The following GRM7 variants were observed in gnomAD, a reference collection of about 807,000 sequenced individuals.
GRM7 encodes metabotropic glutamate receptor 7.
Under a neutral mutation model 84.5 loss-of-function variants are expected in GRM7, and 35 were observed. The ratio of observed to expected loss-of-function variants is 0.41; its 90% CI spans 0.32 to 0.55. The LOEUF (loss-of-function observed/expected upper bound fraction) is 0.55. GRM7 is among the 20% of genes least tolerant of loss of function. The pLI is 0.19. For missense variants in GRM7, 1,003 were observed against 1,194.6 expected, an observed-to-expected ratio of 0.84 and a Z score of 2.36; for synonymous variants, 487 against 455.1, an observed-to-expected ratio of 1.07 and a Z score of -0.89.
chr3:6,895,253 T>C (rs568178417), intron 1 of GRM7, among the ~76,000 whole-genome samples: 2 of 152,224 alleles, frequency 1.3e-5, no homozygotes, highest in Non-Finnish European at 1.5e-5. Flanking sequence ...CCTCAGTGGA[T>C]CCCTTCCCCC....
intron 2 of GRM7, among the ~76,000 whole-genome samples, chr3:7,217,212 A>G (rs923407699): frequency 2.0e-5 from 3 of 152,210 alleles, no homozygotes; most frequent in Non-Finnish European, 4.4e-5. Context: ...CGGAATTACA[A>G]ATGGGCCACC....
chr3:7,500,351 ATGATGATAAGAATTCAGAGTCGG>A (rs1408322359), intron 7 of GRM7, among the ~76,000 whole-genome samples: 24 of 152,348 alleles, frequency 1.6e-4, no homozygotes, highest in Admixed American at 4.6e-4. Flanking sequence ...ATCCCCTTCA[ATGATGATAAGAATTCAGAGTCGG>A]TGTTTGCTTC....
chr3:6,960,983 T>G (rs1477718302), intron 1 of GRM7, among the ~76,000 whole-genome samples: 1 of 152,228 alleles, frequency 6.6e-6, no homozygotes, highest in African/African-American at 2.4e-5. Flanking sequence ...TGAATATTTT[T>G]GCTTGCAGCC....
intron 8 of GRM7, among the ~76,000 whole-genome samples, chr3:7,635,519 A>G (rs1446596868): frequency 1.3e-5 from 2 of 152,142 alleles, no homozygotes; most frequent in Non-Finnish European, 2.9e-5. Context: ...CCATTTGTCC[A>G]CTGAAAGCAA....
chr3:6,890,528 G>A (rs1045922841), intron 1 of GRM7, among the ~76,000 whole-genome samples: 2 of 152,160 alleles, frequency 1.3e-5, no homozygotes, highest in Admixed American at 6.5e-5. Context: ...CAGTTTGCAT[G>A]TAGTTGAGCG....
At chr3:6,870,135 C>G (rs1695073783) in intron 1 of GRM7, among the ~76,000 whole-genome samples, 1 of 151,932 alleles carries the variant, frequency 6.6e-6, no homozygotes, top group African/African-American at 2.4e-5. Context: ...ATAAATACAT[C>G]CTATGGATGT....
intron 9 of GRM7, among the ~76,000 whole-genome samples, chr3:7,728,995 C>T (rs1702221078): frequency 6.6e-6 from 1 of 151,448 alleles, no homozygotes; most frequent in African/African-American, 2.4e-5. Context: ...AGAAACAAGT[C>T]ATCCTCTCTG....
Position 7,660,502 on chromosome 3 carries a change from G to A in GRM7, c.2452-19547G>A, listed in dbSNP as rs547514108. ...TAAAATATTTGTGAAATAAATTAAAGTAGACCTAAATAAATAGAGAAATAT... is the reference window on the plus strand; with the variant it reads ...TAAAATATTTGTGAAATAAATTAAAATAGACCTAAATAAATAGAGAAATAT... On this transcript the variant is annotated intron_variant, in intron 8 of 9. Transcript: ENST00000357716. 3.9e-3 allele frequency among the ~76,000 whole-genome samples: 587 copies of A among 152,294 alleles called. 4 individuals carry two copies. Among genetic ancestry groups the A allele is most frequent in the African/African-American group, 0.014 (568 of 41,554 alleles).
intron 1 of GRM7, among the ~76,000 whole-genome samples, chr3:7,005,475 A>G (rs1695151918): frequency 6.6e-6 from 1 of 152,252 alleles, no homozygotes; most frequent in Non-Finnish European, 1.5e-5. Flanking sequence ...AGTTTTCAGT[A>G]ATACTGAATT....
chr3:7,039,768 G>T (rs1433584877), intron 1 of GRM7, among the ~76,000 whole-genome samples: 1 of 152,050 alleles, frequency 6.6e-6, no homozygotes, highest in Non-Finnish European at 1.5e-5. Flanking sequence ...TTCCACCAGC[G>T]ATGGATTTGA....
intron 1 of GRM7, among the ~76,000 whole-genome samples, chr3:7,089,500 T>C (rs939609894): frequency 6.6e-6 from 1 of 152,174 alleles, no homozygotes; most frequent in African/African-American, 2.4e-5. Context: ...AGAAGGATTG[T>C]ATATATTTCA....
At chr3:6,952,455 T>G (rs1692825014) in intron 1 of GRM7, among the ~76,000 whole-genome samples, 1 of 152,206 alleles carries the variant, frequency 6.6e-6, no homozygotes, top group African/African-American at 2.4e-5. Flanking sequence ...AGCTCTATTA[T>G]TTCTGGTATT....
intron 8 of GRM7, among the ~76,000 whole-genome samples, chr3:7,595,767 G>A (rs1338938365): frequency 1.3e-5 from 2 of 152,108 alleles, no homozygotes; most frequent in Non-Finnish European, 2.9e-5. Context: ...GCCAAGGCAG[G>A]GGTAAGACCG....
intron 9 of GRM7, among the ~76,000 whole-genome samples, chr3:7,726,586 A>G (rs1702134227): frequency 7.7e-6 from 1 of 130,356 alleles, no homozygotes; most frequent in Non-Finnish European, 1.6e-5. Flanking sequence ...ATGTTGCCAT[A>G]TTCATTTTCT....
At chr3:7,091,220 A>AC (rs985267831) in intron 1 of GRM7, among the ~76,000 whole-genome samples, 30 of 151,906 alleles carry the variant, frequency 2.0e-4, no homozygotes, top group African/African-American at 7.0e-4. Context: ...CCAAAAAAAA[A>AC]AAAAGAAAAA....
intron 8 of GRM7, among the ~76,000 whole-genome samples, chr3:7,674,975 C>T (rs749991388): frequency 1.1e-4 from 17 of 152,150 alleles, no homozygotes; most frequent in Admixed American, 3.9e-4. Flanking sequence ...AGTGATTTGC[C>T]AAACATGGTC....
At chr3:7,712,815 C>A (rs1701629711) in intron 9 of GRM7, among the ~76,000 whole-genome samples, 1 of 152,122 alleles carries the variant, frequency 6.6e-6, no homozygotes, top group African/African-American at 2.4e-5. Flanking sequence ...AAGGTGGCAG[C>A]AGGGCCATGC....
At position 7,474,918 on chromosome 3, in the gene GRM7, G is replaced by A. The variant is rs145215211; in HGVS notation, c.1515+13196G>A. Among the ~76,000 whole-genome samples, 1,246 of 152,288 alleles carry A rather than the reference G, an allele frequency of 8.2e-3. 14 individuals are homozygous for A. Among genetic ancestry groups the A allele is most frequent in the Non-Finnish European group, 0.013 (857 of 68,020 alleles). On this transcript the variant is annotated intron_variant, in intron 7 of 9. Transcript: ENST00000357716. ...AATAACCAGTCGTATACTTAGGAAT[G>A]ATTTTGTAAATTGTTAAATACAAAG...
chr3:7,573,506 G>T (rs867966351), intron 7 of GRM7, among the ~76,000 whole-genome samples: 2 of 152,176 alleles, frequency 1.3e-5, no homozygotes, highest in Admixed American at 1.3e-4. Context: ...ACTGAACAGT[G>T]TTTATAACAA....
Sources: allele counts gnomAD v4.1 joint callset (sites outside exome capture counted in the v4.1 genomes callset), GRCh38; gene constraint gnomAD v4.1.1; transcripts MANE v1.5; gene names NCBI Gene and HGNC (gene_info 2026-07-23, HGNC 2026-07-21).